Variants in VPS13D observed in about 807,000 individuals in gnomAD.
VPS13D encodes vacuolar protein sorting 13 homolog D, also known as intermembrane lipid transfer protein VPS13D.
VPS13D carries 187 observed loss-of-function variants against 461.9 expected under a neutral mutation model. The observed-to-expected ratio is 0.40, with a 90% CI of 0.36 to 0.46. The LOEUF (loss-of-function observed/expected upper bound fraction) is 0.46. VPS13D is among the 20% of genes least tolerant of loss of function. The pLI is 0.60. For missense variants in VPS13D, 4,711 were observed against 5,364.9 expected (o/e 0.88, Z 3.81); for synonymous variants, 1,951 against 1,986.3 (o/e 0.98, Z 0.47).
Position 12,348,911 on chromosome 1 carries a change from T to C in VPS13D, c.9158T>C (p.Ile3053Thr). ...GTCATCACTGTCCGGTCAGCCCTCA[T>C]TGTGAGGAACAGACTTGAGACACCA... Reference protein sequence around the residue: ...RKVITVRSALIVRNRLETPME... With the variant: ...RKVITVRSALTVRNRLETPME... Residue 3053 changes from isoleucine (I) to threonine (T), a missense_variant, in exon 45 of 70, where the codon ATT becomes ACT. Ile to Thr is a moderately conservative substitution (Grantham distance 89). Around this residue, in one of 3 missense-constraint regions of VPS13D, gnomAD observed 4,411 missense variants for 4,937.8 expected, o/e 0.89. Transcript: ENST00000620676. 1 of 1,614,212 alleles carries C rather than the reference T, an allele frequency of 6.2e-7. No homozygotes were observed. Among genetic ancestry groups the C allele is most frequent in the South Asian group, 1.1e-5 (1 of 91,076 alleles).
At chr1:12,241,182 A>G (rs1640344198) in intron 2 of VPS13D, among the ~76,000 whole-genome samples, 1 of 152,068 alleles carries the variant, frequency 6.6e-6, no homozygotes, top group Non-Finnish European at 1.5e-5. Flanking sequence ...GGCTCAAGCG[A>G]TTTCCCAGCC....
Position 12,505,568 on chromosome 1 carries a change from C to T in VPS13D, c.12795-1285C>T, listed in dbSNP as rs915907655. The stretch of plus-strand genomic sequence containing the variant: ...ATGGGGTGGCCAACTCTGTGGGGTG[C>T]TCAGGAAGACACGGGGCTGTGAGAT... On this transcript the variant is annotated intron_variant, in intron 68 of 69. Coordinates refer to ENST00000620676, the MANE Select transcript of VPS13D (RefSeq NM_015378.4). This position sits in a 1 kb window ranked among gnomAD's most constrained non-coding sequence, Gnocchi z 4.2. Among the ~76,000 whole-genome samples the T allele has an allele frequency of 6.6e-6, 1 of 152,170 alleles. No individual in the cohort carries two copies. Among genetic ancestry groups the T allele is most frequent in the African/African-American group, 2.4e-5 (1 of 41,440 alleles).
chr1:12,358,504 G>A lies in VPS13D; in HGVS notation c.10044G>A (p.Pro3348=), dbSNP rs368874780. 5.5e-5 allele frequency: 88 copies of A among 1,614,058 alleles called. No homozygotes were observed. Among genetic ancestry groups the A allele is most frequent in the Non-Finnish European group, 6.6e-5 (78 of 1,180,038 alleles). Reference sequence around the variant, plus strand: ...GGGGGATTCATCCAGAAGGCATGCCGGGCTGGTGTCAGGGCTTCTCCCTGG... The same window carrying A: ...GGGGGATTCATCCAGAAGGCATGCCAGGCTGGTGTCAGGGCTTCTCCCTGG... ...IGRGIHPEGM[P]GWCQGFSLDG... Residue 3348 remains proline, a synonymous_variant, in exon 50 of 70, where the codon CCG becomes CCA. Transcript: ENST00000620676.
intron 1 of VPS13D, among the ~76,000 whole-genome samples, chr1:12,232,795 G>A (rs1286045990): frequency 1.3e-5 from 2 of 151,778 alleles, no homozygotes; most frequent in African/African-American, 4.8e-5. Flanking sequence ...TTGTATCAGC[G>A]TCATCTGGTG....
intron 67 of VPS13D, among the ~76,000 whole-genome samples, chr1:12,464,392 G>A (rs1645453039): frequency 6.6e-6 from 1 of 152,132 alleles, no homozygotes; most frequent in South Asian, 2.1e-4. Flanking sequence ...TTTCATCCAA[G>A]TAAAGGCTTA....
chr1:12,423,119 A>G (rs909517870), intron 65 of VPS13D, among the ~76,000 whole-genome samples: 4 of 152,232 alleles, frequency 2.6e-5, no homozygotes, highest in Non-Finnish European at 5.9e-5. Flanking sequence ...AACCTTGGCA[A>G]TTGCAACCAT....
chr1:12,317,002 A>AC (rs1448390858), intron 30 of VPS13D, among the ~76,000 whole-genome samples: 3 of 67,956 alleles, frequency 4.4e-5, no homozygotes, highest in Non-Finnish European at 9.4e-5. Flanking sequence ...TTGTCCCCCC[A>AC]CCCCCACCCC....
At chr1:12,273,517 C>A (rs1391271890) in intron 18 of VPS13D, among the ~76,000 whole-genome samples, 1 of 152,206 alleles carries the variant, frequency 6.6e-6, no homozygotes, top group African/African-American at 2.4e-5. Flanking sequence ...ACTTTTGCAT[C>A]TTCCCCGACT....
At chr1:12,504,123 G>C (rs1443662265) in intron 68 of VPS13D, among the ~76,000 whole-genome samples, 1 of 152,060 alleles carries the variant, frequency 6.6e-6, no homozygotes, top group Admixed American at 6.5e-5. Flanking sequence ...ATTATTCTTT[G>C]ATGTGTTTGG....
chr1:12,406,132 C>T (rs1020186533), intron 63 of VPS13D, among the ~76,000 whole-genome samples: 2 of 151,966 alleles, frequency 1.3e-5, no homozygotes, highest in Non-Finnish European at 2.9e-5. Flanking sequence ...GGGGGCACGC[C>T]GAGTGTAGTA....
chr1:12,438,977 G>A (rs886984506), intron 65 of VPS13D, among the ~76,000 whole-genome samples: 7 of 152,040 alleles, frequency 4.6e-5, no homozygotes, highest in East Asian at 1.9e-4. Flanking sequence ...TATCCCTCCC[G>A]CGCCCACCTT....
chr1:12,453,096 T>C (rs1381120848), intron 65 of VPS13D, among the ~76,000 whole-genome samples: 4 of 152,152 alleles, frequency 2.6e-5, no homozygotes, highest in Non-Finnish European at 5.9e-5. Context: ...TGTCTTTGTA[T>C]AGAGAACACC....
At chr1:12,498,546 CCT>C (rs1234751256) in intron 68 of VPS13D, among the ~76,000 whole-genome samples, 1 of 152,190 alleles carries the variant, frequency 6.6e-6, no homozygotes, top group African/African-American at 2.4e-5. Context: ...ATGGCATCTT[CCT>C]ACATGTGCCT....
chr1:12,293,383 T>G (rs1642186864), intron 23 of VPS13D, 141 bp from the exon 24 acceptor site: 1 of 745,972 alleles, frequency 1.3e-6, no homozygotes, highest in Admixed American at 3.1e-5. Context: ...TATTAGAGTT[T>G]GCTTTGTAAA....
At chr1:12,304,458 G>GC (rs778225707) in intron 25 of VPS13D, 48 bp from the exon 26 acceptor site, 20 of 1,533,190 alleles carry the variant, frequency 1.3e-5, no homozygotes, top group East Asian at 7.1e-5. Context: ...CACCAGTGCT[G>GC]CCCCCTTCCC....
chr1:12,459,737 A>G (rs576815511), intron 66 of VPS13D, among the ~76,000 whole-genome samples: 3 of 152,154 alleles, frequency 2.0e-5, no homozygotes, highest in South Asian at 2.1e-4. Flanking sequence ...GCAGCCTCCC[A>G]AAGTGCTGGG....
At chr1:12,291,786 C>G (rs1186112838) in intron 23 of VPS13D, among the ~76,000 whole-genome samples, 3 of 152,222 alleles carry the variant, frequency 2.0e-5, no homozygotes, top group Non-Finnish European at 4.4e-5. Context: ...GGGACTGAAT[C>G]ATTAGAACAT....
chr1:12,392,545 T>TAAAAA (rs139602760), intron 60 of VPS13D, among the ~76,000 whole-genome samples: 1 of 129,302 alleles, frequency 7.7e-6, no homozygotes, highest in Non-Finnish European at 1.7e-5. Context: ...GTATAAATGT[T>TAAAAA]AAAAAAAAAA....
intron 36 of VPS13D, among the ~76,000 whole-genome samples, chr1:12,328,162 T>A (rs1009852060): frequency 1.3e-5 from 2 of 152,192 alleles, no homozygotes; most frequent in African/African-American, 4.8e-5. Flanking sequence ...AAGATTGTAG[T>A]GAATACTGCT....
Sources: allele counts gnomAD v4.1 joint callset (sites outside exome capture counted in the v4.1 genomes callset), GRCh38; gene constraint gnomAD v4.1.1; regional missense constraint gnomAD v4.1.1; non-coding constraint Gnocchi (gnomAD v3.1); transcripts MANE v1.5; gene names NCBI Gene and HGNC (gene_info 2026-07-23, HGNC 2026-07-21).